PANK2: variants seen among roughly 807,000 people sequenced by gnomAD.
PANK2 encodes the protein pantothenate kinase 2, also known as pantothenate kinase 2, mitochondrial.
In PANK2, 36 loss-of-function variants were observed where a neutral mutation model predicts 43.1. That is an observed-to-expected ratio of 0.84 (90% confidence interval 0.64 to 1.10). The LOEUF is 1.10. PANK2 is among the 50% of genes least tolerant of loss of function. The pLI is 0.00. For synonymous variants in PANK2, 281 were observed against 238.2 expected (o/e 1.18, Z -1.66); for missense variants, 576 against 593.3 (o/e 0.97, Z 0.30).
At chr20:3,910,092 T>G (rs891109190) in intron 2 of PANK2, among the ~76,000 whole-genome samples, 10 of 152,224 alleles carry the variant, frequency 6.6e-5, no homozygotes, top group African/African-American at 2.4e-4. Context: ...TTTCAGCCTT[T>G]TGGCTTCAGT....
rs1488493337 is a variant in PANK2 at position 3,923,245 on chromosome 20, G to A, written c.1334G>A (p.Gly445Asp). Reference sequence around the variant, plus strand: ...TATTTTTGGTGTATTTTCTTTCAGGGTTATTTTGGAGCTGTTGGAGCACTC... The same window carrying A: ...TATTTTTGGTGTATTTTCTTTCAGGATTATTTTGGAGCTGTTGGAGCACTC... The change falls in exon 7 of 7, where the codon GGT becomes GAT. Residue 445 changes from glycine (G) to aspartate (D), a missense_variant and splice_region_variant. Around this residue, in one of 2 missense-constraint regions of PANK2, gnomAD observed 32 missense variants for 64.3 expected, o/e 0.50. Coordinates refer to ENST00000610179, the MANE Select transcript of PANK2 (RefSeq NM_001386393.1). 1 of 1,614,034 alleles carries A rather than the reference G, an allele frequency of 6.2e-7. No individual in the cohort carries two copies.
chr20:3,917,908 A>C (rs2090587704), intron 5 of PANK2, among the ~76,000 whole-genome samples: 1 of 152,212 alleles, frequency 6.6e-6, no homozygotes, highest in Admixed American at 6.5e-5. Context: ...TTTTATACTT[A>C]AATATACATT....
At chr20:3,898,897 G>A (rs898232296) in intron 1 of PANK2, among the ~76,000 whole-genome samples, 5 of 151,748 alleles carry the variant, frequency 3.3e-5, no homozygotes, top group African/African-American at 4.8e-5. Context: ...TTTGTTTTGG[G>A]AAACAGACTT....
rs772205776 is a variant in PANK2, at chr20:3,889,485, C to T, written c.55C>T (p.Leu19Phe). The T allele has an allele frequency of 1.0e-5, 15 of 1,487,342 alleles. No homozygotes were observed. In the Admixed American group the frequency reaches 3.1e-4, roughly 31 times the overall value. 92.1% of individuals were successfully genotyped at this position (1,487,342 alleles called of 1,614,324 possible). The change falls in exon 1 of 7, where the codon CTC (leucine) becomes TTC (phenylalanine). Residue 19 changes from leucine to phenylalanine, a missense_variant. This residue lies in a region of PANK2 where 544 missense variants were observed against 528.9 expected (regional missense o/e 1.03). Coordinates refer to ENST00000610179, the MANE Select transcript of PANK2 (RefSeq NM_001386393.1). Reference sequence around the variant, plus strand: ...GCTGCTGCGGATGGGAGGGGGCCGGCTCGGCGCGCCCATGGAGCGCCACGG... The same window carrying T: ...GCTGCTGCGGATGGGAGGGGGCCGGTTCGGCGCGCCCATGGAGCGCCACGG...
chr20:3,889,674 G>A lies in PANK2; in HGVS notation c.244G>A (p.Gly82Ser). ...GCGGGATCGACTGGGCTCTTACAGC[G>A]GCCCCACCTCGGTCTCCCGCCAGCG... The change falls in exon 1 of 7, where the codon GGC (glycine) becomes AGC (serine). Residue 82 changes from glycine (G) to serine (S), a missense_variant. Coordinates refer to ENST00000610179, the MANE Select transcript of PANK2 (RefSeq NM_001386393.1). 1.3e-6 allele frequency: 2 copies of A among 1,591,892 alleles called. No individual in the cohort carries two copies. The highest frequency in any genetic ancestry group is 2.2e-5 in the South Asian group (2 of 90,040).
At chr20:3,908,802 T>TA in intron 2 of PANK2, 1 of 189,270 alleles carries the variant, frequency 5.3e-6, no homozygotes, top group Non-Finnish European at 1.1e-5. Flanking sequence ...TCTGATGTGT[T>TA]CTGTGCTGCA....
chr20:3,911,590 AAAAG>A (rs1326275551), intron 3 of PANK2, among the ~76,000 whole-genome samples: 8 of 149,894 alleles, frequency 5.3e-5, no homozygotes, highest in African/African-American at 2.5e-5. Context: ...TCTCAAAAAA[AAAAG>A]AAAAGAGAGT....
chr20:3,893,496 G>A (rs1160491433), intron 1 of PANK2, among the ~76,000 whole-genome samples: 1 of 152,174 alleles, frequency 6.6e-6, no homozygotes, highest in African/African-American at 2.4e-5. Context: ...GGCTCCAGGT[G>A]TTGAGCATAT....
In PANK2 at chr20:3,922,672, T is replaced by A. The variant is rs530216675; in HGVS notation, c.1333-572T>A. ...ACCCACCGGCCTTGCTCTCCACACCTCTTACTCCTGTGTCCCCTTTCTCGG... is the reference window on the plus strand; with the variant it reads ...ACCCACCGGCCTTGCTCTCCACACCACTTACTCCTGTGTCCCCTTTCTCGG... On this transcript the variant is annotated intron_variant, in intron 6 of 6. Coordinates refer to ENST00000610179, the MANE Select transcript of PANK2 (RefSeq NM_001386393.1). 5.1e-4 allele frequency among the ~76,000 whole-genome samples: 77 copies of A among 152,016 alleles called. 1 individual carries two copies. The highest frequency in any genetic ancestry group is 6.8e-3 in the Middle Eastern group (2 of 294).
Position 3,927,452 on chromosome 20 carries a change from T to C in PANK2, c.*4158T>C, listed in dbSNP as rs2090739910. 6.6e-6 allele frequency: 1 copy of C among 152,210 alleles called. No homozygotes were observed. The highest frequency in any genetic ancestry group is 1.5e-5 in the Non-Finnish European group (1 of 68,030). The allele number at this position is 152,210 out of a possible 1,614,324, so 9.4% of individuals were successfully genotyped here. On this transcript the variant is annotated 3_prime_UTR_variant, in exon 7 of 7. Coordinates refer to ENST00000610179, the MANE Select transcript of PANK2 (RefSeq NM_001386393.1). ...TATAGCTTACAAAAAACTGCGAATG[T>C]TTAAAAATATTCTGCTGCAGAATTT...
At chr20:3,890,057 A>C in intron 1 of PANK2, 1 of 676,822 alleles carries the variant, frequency 1.5e-6, no homozygotes, top group Non-Finnish European at 2.3e-6. Context: ...GCTTCTTTTG[A>C]CTCATTTCCA....
Position 3,889,452 on chromosome 20 carries a change from C to T in PANK2, c.22C>T (p.Gln8Ter). Reference sequence around the variant, plus strand: ...GACGCTGGGGGGCTTGCTCGGGCGGCAGCGACTGCTGCTGCGGATGGGAGG... The same window carrying T: ...GACGCTGGGGGGCTTGCTCGGGCGGTAGCGACTGCTGCTGCGGATGGGAGG... The change falls in exon 1 of 7, where the codon CAG becomes TAG. Residue 8 changes from glutamine (Q) to a stop codon, truncating the protein, a stop_gained. Transcript: ENST00000610179. LOFTEE classifies it high-confidence loss of function. 2 of 1,549,308 alleles carry T rather than the reference C, an allele frequency of 1.3e-6. No individual in the cohort carries two copies. The highest frequency in any genetic ancestry group is 8.7e-7 in the Non-Finnish European group (1 of 1,154,282).
Position 3,889,964 on chromosome 20 carries a change from C to T in PANK2, c.298+236C>T, listed in dbSNP as rs1266617956. The T allele has an allele frequency of 1.8e-5, 27 of 1,510,076 alleles. No homozygotes were observed. The Admixed American group carries it at 2.2e-4, about 12-fold the overall frequency. 93.5% of individuals were successfully genotyped at this position (1,510,076 alleles called of 1,614,324 possible). ...ACTTCCCGCTTGTTGGAGTGGAGGGCTTTTCCCCAGGACCTGTCCTCCCTT... is the reference window on the plus strand; with the variant it reads ...ACTTCCCGCTTGTTGGAGTGGAGGGTTTTTCCCCAGGACCTGTCCTCCCTT... On this transcript the variant is annotated intron_variant, in intron 1 of 6. Coordinates refer to ENST00000610179, the MANE Select transcript of PANK2 (RefSeq NM_001386393.1).
At chr20:3,916,785 T>C in intron 4 of PANK2, 142 bp from the exon 5 acceptor site, 2 of 1,201,850 alleles carry the variant, frequency 1.7e-6, no homozygotes, top group Non-Finnish European at 2.4e-6. Context: ...TTTGAACAGA[T>C]GCTCCATTGC....
chr20:3,902,469 G>A (rs1600517293), intron 1 of PANK2, among the ~76,000 whole-genome samples: 1 of 151,710 alleles, frequency 6.6e-6, no homozygotes, highest in East Asian at 1.9e-4. Context: ...AGTAGAGGTG[G>A]GGTTTCATCA....
In PANK2 at chr20:3,923,495, C is replaced by T. The variant is rs998579242; in HGVS notation, c.*201C>T. ...CCAGGAAGGAAAAATATATTAAAAA[C>T]AACAAAAAAGTGGCACATGTCCAGG... On this transcript the variant is annotated 3_prime_UTR_variant, in exon 7 of 7. Transcript: ENST00000610179. 6.4e-6 allele frequency: 4 copies of T among 622,158 alleles called. No homozygotes were observed. The Admixed American group carries it at 8.8e-5, about 14-fold the overall frequency. The allele number at this position is 622,158 out of a possible 1,614,324, so 38.5% of individuals were successfully genotyped here.
rs913701606 is a variant in PANK2, at chr20:3,925,434, A to C, written c.*2140A>C. 2 of 152,396 alleles carry C rather than the reference A, an allele frequency of 1.3e-5. No individual in the cohort carries two copies. Among genetic ancestry groups the C allele is most frequent in the Non-Finnish European group, 2.9e-5 (2 of 68,192 alleles). 9.4% of individuals were successfully genotyped at this position (152,396 alleles called of 1,614,324 possible). On this transcript the variant is annotated 3_prime_UTR_variant, in exon 7 of 7. Transcript: ENST00000610179. Reference sequence around the variant, plus strand: ...TTTTTAGTAGAGATGGGGTTTCACCATGATGGCCAGGCTGGTCTCGAACTC... The same window carrying C: ...TTTTTAGTAGAGATGGGGTTTCACCCTGATGGCCAGGCTGGTCTCGAACTC...
At position 3,910,722 on chromosome 20, in the gene PANK2, C is replaced by T. The variant is rs768909160; in HGVS notation, c.797C>T (p.Pro266Leu). ...GATTCTGAAAAGTGTCAGAAGTTAC[C>T]ATTTGATTTGAAAAATCCGTATCCT... Residue 266 changes from proline to leucine, a missense_variant, in exon 3 of 7, where the codon CCA becomes CTA. Physicochemically the swap from Pro to Leu is moderately conservative, Grantham distance 98 (BLOSUM62 -3). Transcript: ENST00000610179. 6.2e-7 allele frequency: 1 copy of T among 1,614,108 alleles called. No individual in the cohort carries two copies. Among genetic ancestry groups the T allele is most frequent in the Admixed American group, 1.7e-5 (1 of 60,006 alleles).
At chr20:3,917,209 CT>C (rs368246657) in intron 5 of PANK2, among the ~76,000 whole-genome samples, 159 bp downstream of exon 5, 1,466 of 142,418 alleles carry the variant, frequency 0.01, 6 homozygotes, top group African/African-American at 0.022. Context: ...GATTAATCTT[CT>C]TTTTTTTTTT....
Sources: allele counts gnomAD v4.1 joint callset (sites outside exome capture counted in the v4.1 genomes callset), GRCh38; gene constraint gnomAD v4.1.1; regional missense constraint gnomAD v4.1.1; transcripts MANE v1.5; gene names NCBI Gene and HGNC (gene_info 2026-07-23, HGNC 2026-07-21).